Variants in MAML2 observed in about 807,000 individuals in gnomAD.
MAML2 encodes mastermind-like protein 2.
In MAML2, 22 loss-of-function variants were observed where a neutral mutation model predicts 96.1. The observed-to-expected ratio is 0.23, with a 90% CI of 0.16 to 0.33. The LOEUF is 0.33. MAML2 is among the 10% of genes least tolerant of loss of function. MAML2 has a pLI of 1.00. For synonymous variants in MAML2, 561 were observed against 521.3 expected, an observed-to-expected ratio of 1.08 and a Z score of -1.04; for missense variants, 1,367 against 1,392.4, an observed-to-expected ratio of 0.98 and a Z score of 0.29.
At chr11:96,019,213 T>C (rs561431239) in intron 2 of MAML2, among the ~76,000 whole-genome samples, 29 of 152,208 alleles carry the variant, frequency 1.9e-4, no homozygotes, top group Non-Finnish European at 4.3e-4. Flanking sequence ...CTTCCCCTTA[T>C]TTTTTCTGCT....
intron 1 of MAML2, among the ~76,000 whole-genome samples, chr11:96,184,569 A>G (rs1003621162): frequency 2.0e-5 from 3 of 151,776 alleles, no homozygotes; most frequent in Non-Finnish European, 1.5e-5. Flanking sequence ...GAATGCAAGC[A>G]ACTCTGAATA....
chr11:96,133,525 AGCCTTCTCTTG>A (rs1239138458), intron 1 of MAML2, among the ~76,000 whole-genome samples: 1 of 152,204 alleles, frequency 6.6e-6, no homozygotes, highest in East Asian at 1.9e-4. Flanking sequence ...GTGAACATTC[AGCCTTCTCTTG>A]GTCAATCGAC....
chr11:96,028,004 C>T (rs1858551611), intron 2 of MAML2, among the ~76,000 whole-genome samples: 1 of 152,110 alleles, frequency 6.6e-6, no homozygotes, highest in Non-Finnish European at 1.5e-5. Context: ...AGTGCTGGAA[C>T]CATGGGCATG....
intron 1 of MAML2, among the ~76,000 whole-genome samples, chr11:96,224,082 G>A (rs942481589): frequency 6.6e-6 from 1 of 151,916 alleles, no homozygotes; most frequent in African/African-American, 2.4e-5. Context: ...TCACTAACAG[G>A]GTGACTTATT....
intron 2 of MAML2, among the ~76,000 whole-genome samples, chr11:96,084,513 C>T (rs1229465170): frequency 1.3e-5 from 2 of 152,110 alleles, no homozygotes; most frequent in Non-Finnish European, 1.5e-5. Context: ...TAGCCTCATG[C>T]CTCTTCCCAG....
At chr11:96,177,859 C>T (rs1861410891) in intron 1 of MAML2, among the ~76,000 whole-genome samples, 3 of 149,766 alleles carry the variant, frequency 2.0e-5, no homozygotes, top group South Asian at 4.2e-4. Context: ...CAGACAGTGG[C>T]GTTTTTGAGG....
intron 1 of MAML2, among the ~76,000 whole-genome samples, chr11:96,187,953 G>A (rs1004814129): frequency 4.6e-5 from 7 of 152,152 alleles, no homozygotes; most frequent in East Asian, 3.8e-4. Flanking sequence ...TGATTCATTC[G>A]GCTGGCATTT....
intron 1 of MAML2, among the ~76,000 whole-genome samples, chr11:96,261,067 G>A (rs984874801): frequency 6.6e-6 from 1 of 152,062 alleles, no homozygotes; most frequent in Non-Finnish European, 1.5e-5. Context: ...AACGCATGTT[G>A]GAACTTAATC....
chr11:96,245,657 C>T (rs1862500691), intron 1 of MAML2, among the ~76,000 whole-genome samples: 1 of 151,850 alleles, frequency 6.6e-6, no homozygotes, highest in Non-Finnish European at 1.5e-5. Context: ...TGAAATTGTG[C>T]CCTAACTCAA....
intron 2 of MAML2, among the ~76,000 whole-genome samples, chr11:96,090,768 T>C (rs1236655416): frequency 6.6e-6 from 1 of 152,252 alleles, no homozygotes; most frequent in African/African-American, 2.4e-5. Flanking sequence ...TGGTGTTCTC[T>C]TGGCCAACAA....
chr11:96,165,468 A>G (rs1251680139), intron 1 of MAML2, among the ~76,000 whole-genome samples: 1 of 152,216 alleles, frequency 6.6e-6, no homozygotes, highest in Non-Finnish European at 1.5e-5. Flanking sequence ...GTGGCATACA[A>G]CAGACATTAG....
Position 96,342,132 on chromosome 11 carries a change from C to T in MAML2, c.-237G>A. The T allele has an allele frequency of 3.7e-6, 2 of 534,998 alleles. No homozygotes were observed. Among genetic ancestry groups the T allele is most frequent in the South Asian group, 5.9e-5 (2 of 33,910 alleles). The allele number at this position is 534,998 out of a possible 1,614,324, so 33.1% of individuals were successfully genotyped here. On this transcript the variant is annotated 5_prime_UTR_variant, in exon 1 of 5. Transcript: ENST00000524717. The stretch of plus-strand genomic sequence containing the variant: ...GGGGGGAGGATAAGTTGGAAACAAA[C>T]CCTGATTAACTTACTCTAATTGCAT...
rs1051658622 is a variant in MAML2 at position 96,079,055 on chromosome 11, G to C, written c.2139+12837C>G. 1.4e-4 allele frequency among the ~76,000 whole-genome samples: 22 copies of C among 152,184 alleles called. 1 individual carries two copies. The highest frequency in any genetic ancestry group is 2.9e-5 in the Non-Finnish European group (2 of 68,034). ...TGTGATAAATGTCAGCAAATGAACT[G>C]ATTGGCATAAAAACCAAAATTCACC... On this transcript the variant is annotated intron_variant, in intron 2 of 4. Coordinates refer to ENST00000524717, the MANE Select transcript of MAML2 (RefSeq NM_032427.4).
intron 2 of MAML2, among the ~76,000 whole-genome samples, chr11:96,001,702 C>A (rs910715701): frequency 2.0e-5 from 3 of 152,180 alleles, no homozygotes; most frequent in Non-Finnish European, 4.4e-5. Context: ...CCCTTGGATA[C>A]AGCCTCTACA....
intron 1 of MAML2, among the ~76,000 whole-genome samples, chr11:96,330,960 C>T (rs920907438): frequency 1.3e-5 from 2 of 152,094 alleles, no homozygotes; most frequent in Non-Finnish European, 2.9e-5. Flanking sequence ...TGGAAGGGAT[C>T]ATTGTGATCA....
chr11:96,206,225 A>T (rs543906656), intron 1 of MAML2, among the ~76,000 whole-genome samples: 87 of 152,322 alleles, frequency 5.7e-4, no homozygotes, highest in Middle Eastern at 3.4e-3. Flanking sequence ...ATGCAACATG[A>T]ATATTTGGGG....
At chr11:96,046,291 G>T (rs1001053636) in intron 2 of MAML2, among the ~76,000 whole-genome samples, 1 of 152,048 alleles carries the variant, frequency 6.6e-6, no homozygotes, top group Non-Finnish European at 1.5e-5. Context: ...GTTCATAGCC[G>T]GGGAGCTGGC....
chr11:96,061,096 T>C (rs7479275), intron 2 of MAML2, among the ~76,000 whole-genome samples: 23,095 of 152,220 alleles, frequency 0.15, 1,882 homozygotes, highest in South Asian at 0.21. Flanking sequence ...TGTGCTCCTG[T>C]GTATCTGATG....
chr11:96,247,618 CAA>C (rs1862528888), intron 1 of MAML2, among the ~76,000 whole-genome samples: 1 of 152,148 alleles, frequency 6.6e-6, no homozygotes, highest in Non-Finnish European at 1.5e-5. Flanking sequence ...TGAAGAAAAA[CAA>C]ACTCAGCATC....
Sources: gnomAD v4.1 joint callset for allele counts (sites outside exome capture counted in the v4.1 genomes callset) on GRCh38, gnomAD v4.1.1 for gene constraint, MANE v1.5 for transcripts, NCBI Gene and HGNC (gene_info 2026-07-23, HGNC 2026-07-21) for gene names.